Variants in TSC22D3 observed in about 807,000 individuals in gnomAD.
TSC22D3 encodes TSC22 domain family protein 3.
Under a neutral mutation model 11.1 loss-of-function variants are expected in TSC22D3, and 4 were observed. That is an observed-to-expected ratio of 0.36 (90% CI 0.18 to 0.83). The LOEUF (loss-of-function observed/expected upper bound fraction) is 0.83, where lower values mean the gene tolerates loss of function less well. Ranked by LOEUF, TSC22D3 falls within the 40% of genes least tolerant of loss-of-function variation. TSC22D3 has a pLI of 0.48. For synonymous variants in TSC22D3, 77 were observed against 70.3 expected, an observed-to-expected ratio of 1.10 and a Z score of -0.48; for missense variants, 118 against 159.4, an observed-to-expected ratio of 0.74 and a Z score of 1.40.
At chrX:107,753,621 C>A (rs1180677780) in intron 1 of TSC22D3, among the ~76,000 whole-genome samples, 2 of 111,697 alleles carry the variant, frequency 1.8e-5, no homozygotes, top group Non-Finnish European at 3.8e-5. Flanking sequence ...ATTACGCAGA[C>A]CCCTTAGGTC....
In TSC22D3 at chrX:107,714,714, T is replaced by C; in HGVS notation, c.408A>G (p.Arg136=). The C allele has an allele frequency of 8.3e-7, 1 of 1,211,592 alleles. No individual in the cohort carries two copies. The highest frequency in any genetic ancestry group is 1.1e-6 in the Non-Finnish European group (1 of 895,376). ...LVKNHLMYAV[R]EEVEILKEQI... is the part of the protein sequence containing the mutation. ...GCTCCTTCAGGATCTCCACCTCCTC[T>C]CTCACAGCATACATCAGATGATTCT... The change falls in exon 3 of 3, where the codon AGA becomes AGG. Residue 136 remains arginine, a synonymous_variant. Transcript: ENST00000372383.
intron 1 of TSC22D3, among the ~76,000 whole-genome samples, chrX:107,742,406 G>A (rs893253001): frequency 1.8e-5 from 2 of 109,078 alleles, no homozygotes; most frequent in Admixed American, 9.6e-5. Context: ...GAGGGAGAGA[G>A]ACTGAGTTGT....
intron 1 of TSC22D3, among the ~76,000 whole-genome samples, chrX:107,727,505 T>A (rs184859125): frequency 2.5e-4 from 28 of 112,198 alleles, no homozygotes; most frequent in Admixed American, 1.9e-3. Flanking sequence ...TATTTATTTT[T>A]TTTTTTTACA....
At chrX:107,774,720 G>C (rs961457681) in intron 1 of TSC22D3, among the ~76,000 whole-genome samples, 1 of 111,950 alleles carries the variant, frequency 8.9e-6, no homozygotes, top group African/African-American at 3.2e-5. Flanking sequence ...ATTTGAGATG[G>C]GCTTTTGAGA....
intron 1 of TSC22D3, among the ~76,000 whole-genome samples, chrX:107,739,457 T>C (rs1928294608): frequency 8.9e-6 from 1 of 112,438 alleles, no homozygotes; most frequent in Admixed American, 9.3e-5. Context: ...AATGGTCCTT[T>C]CCAGTCCTGG....
chrX:107,716,140 C>A (rs1927009727), intron 1 of TSC22D3, 190 bp from the exon 2 acceptor site: 1 of 632,446 alleles, frequency 1.6e-6, no homozygotes, highest in South Asian at 3.3e-5. Context: ...TGCATCTCCT[C>A]ATCCAGGCCG....
intron 1 of TSC22D3, chrX:107,716,309 A>G (rs751168091): frequency 3.6e-5 from 33 of 916,698 alleles, no homozygotes; most frequent in Non-Finnish European, 4.0e-5. Flanking sequence ...TCCCAGGCAA[A>G]CCTACCCGGC....
intron 1 of TSC22D3, among the ~76,000 whole-genome samples, chrX:107,732,266 G>A (rs1927924167): frequency 9.2e-6 from 1 of 108,863 alleles, no homozygotes; most frequent in Admixed American, 9.7e-5. Flanking sequence ...TCCCTCCAAG[G>A]ACTCAGCACT....
Position 107,775,609 on chromosome X carries a change from G to A in TSC22D3, c.-190C>T. The A allele has an allele frequency of 5.2e-6, 2 of 381,781 alleles. No homozygotes were observed. Among genetic ancestry groups the A allele is most frequent in the South Asian group, 1.1e-4 (2 of 18,880 alleles). 31.5% of individuals were successfully genotyped at this position (381,781 alleles called of 1,213,427 possible). A position where few individuals can be genotyped will look rare whatever the true frequency, so the allele number is the denominator to read the frequency against. ...CTTCTGGCTGTACTGCTCCGGGTGC[G>A]AATAGAAACAGCTGGACAAACAGCT... On this transcript the variant is annotated 5_prime_UTR_variant, in exon 1 of 3. Coordinates refer to ENST00000372383, the MANE Select transcript of TSC22D3 (RefSeq NM_198057.3).
chrX:107,738,423 G>A (rs763502876), intron 1 of TSC22D3, among the ~76,000 whole-genome samples: 1 of 112,511 alleles, frequency 8.9e-6, no homozygotes, highest in Admixed American at 9.3e-5. Context: ...GCTCAAGGAC[G>A]CCAAGGGAGT....
chrX:107,757,798 A>C (rs1929243539), intron 1 of TSC22D3, among the ~76,000 whole-genome samples: 1 of 111,066 alleles, frequency 9.0e-6, no homozygotes, highest in Admixed American at 9.6e-5. Context: ...AGGGAATTCT[A>C]AGAGCCCCTC....
intron 1 of TSC22D3, among the ~76,000 whole-genome samples, chrX:107,736,850 G>A (rs1174239267): frequency 1.8e-5 from 2 of 111,193 alleles, no homozygotes; most frequent in Non-Finnish European, 3.8e-5. Flanking sequence ...ATCCCACCCC[G>A]GGAAGCCCAA....
intron 1 of TSC22D3, among the ~76,000 whole-genome samples, chrX:107,753,829 G>T (rs1929048299): frequency 9.0e-6 from 1 of 111,108 alleles, no homozygotes; most frequent in South Asian, 3.8e-4. Context: ...ATACTCCAGG[G>T]GTGCAAGCTT....
At position 107,755,746 on chromosome X, in the gene TSC22D3, C is replaced by T. The variant is rs781166391; in HGVS notation, c.320+19354G>A. 3.6e-5 allele frequency among the ~76,000 whole-genome samples: 4 copies of T among 112,410 alleles called. No individual in the cohort carries two copies. In the East Asian group the frequency reaches 1.1e-3, roughly 31 times the overall value. Reference sequence around the variant, plus strand: ...CATATTTCCTGTCCTTCTACTGTGACTTTGTGCATTCAGAGAAATATTATA... The same window carrying T: ...CATATTTCCTGTCCTTCTACTGTGATTTTGTGCATTCAGAGAAATATTATA... On this transcript the variant is annotated intron_variant, in intron 1 of 2. Transcript: ENST00000372383.
At chrX:107,763,298 T>C (rs1353495878) in intron 1 of TSC22D3, among the ~76,000 whole-genome samples, 1 of 111,728 alleles carries the variant, frequency 9.0e-6, no homozygotes, top group African/African-American at 3.3e-5. Context: ...TTGCCTCCTG[T>C]TGGCTAAACA....
chrX:107,725,376 G>T (rs1352884718), intron 1 of TSC22D3, among the ~76,000 whole-genome samples: 1 of 112,056 alleles, frequency 8.9e-6, no homozygotes, highest in East Asian at 2.8e-4. Context: ...TGCAGCCCTA[G>T]CATGTCTAGT....
intron 1 of TSC22D3, among the ~76,000 whole-genome samples, chrX:107,773,481 G>A (rs1452730295): frequency 8.9e-6 from 1 of 112,329 alleles, no homozygotes; most frequent in African/African-American, 3.2e-5. Flanking sequence ...TAGGGCTTTC[G>A]CTTGGCAGGA....
At position 107,738,469 on chromosome X, in the gene TSC22D3, T is replaced by A. The variant is rs151318806; in HGVS notation, c.321-22519A>T. On this transcript the variant is annotated intron_variant, in intron 1 of 2. Transcript: ENST00000372383. ...GGCTGGGAGCACAGCCCAGGTTTCC[T>A]GGATCCTGGCCTGGCACTCTTGCCA... is the stretch of plus-strand genomic sequence containing the variant. 4.9e-3 allele frequency among the ~76,000 whole-genome samples: 549 copies of A among 112,808 alleles called. 4 individuals are homozygous for A. The highest frequency in any genetic ancestry group is 0.017 in the African/African-American group (531 of 31,045).
At chrX:107,724,016 G>C (rs1927487875) in intron 1 of TSC22D3, among the ~76,000 whole-genome samples, 1 of 112,709 alleles carries the variant, frequency 8.9e-6, no homozygotes, top group African/African-American at 3.2e-5. Flanking sequence ...GGTAAGCACT[G>C]TGAGCCTCCT....
Sources: allele counts gnomAD v4.1 joint callset (sites outside exome capture counted in the v4.1 genomes callset), GRCh38; gene constraint gnomAD v4.1.1; transcripts MANE v1.5; gene names NCBI Gene and HGNC (gene_info 2026-07-23, HGNC 2026-07-21).